The following METTL15 variants were observed in gnomAD, a reference collection of about 807,000 sequenced individuals.
The protein encoded by METTL15 is 12S rRNA N(4)-cytidine methyltransferase METTL15.
Under a neutral mutation model 38.3 loss-of-function variants are expected in METTL15, and 34 were observed. That is an observed-to-expected ratio of 0.89 (90% CI 0.68 to 1.18). METTL15 has a LOEUF of 1.18. METTL15 is among the 50% of genes most tolerant of loss of function. METTL15 has a pLI of 0.00. For synonymous variants in METTL15, 162 were observed against 170.9 expected, an observed-to-expected ratio of 0.95 and a Z score of 0.41; for missense variants, 438 against 498.4, an observed-to-expected ratio of 0.88 and a Z score of 1.15.
At chr11:28,467,240 GA>G (rs1330549034) in intron 6 of METTL15, among the ~76,000 whole-genome samples, 1 of 152,182 alleles carries the variant, frequency 6.6e-6, no homozygotes, top group East Asian at 1.9e-4. Flanking sequence ...GGCAGGGGTA[GA>G]GGGGTGGAGG....
chr11:28,456,164 C>G (rs1851166811), intron 6 of METTL15, among the ~76,000 whole-genome samples: 1 of 151,904 alleles, frequency 6.6e-6, no homozygotes, highest in Non-Finnish European at 1.5e-5. Flanking sequence ...TGCCACCATG[C>G]CTGGCTAATT....
intron 4 of METTL15, among the ~76,000 whole-genome samples, chr11:28,231,647 A>T (rs1853688908): frequency 6.6e-6 from 1 of 151,840 alleles, no homozygotes; most frequent in South Asian, 2.1e-4. Flanking sequence ...AACTACTTTC[A>T]CATTAGCTCA....
intron 4 of METTL15, among the ~76,000 whole-genome samples, chr11:28,243,947 G>A (rs1309928625): frequency 6.6e-6 from 1 of 152,166 alleles, no homozygotes; most frequent in Non-Finnish European, 1.5e-5. Flanking sequence ...GACACAATGA[G>A]GGATATTTCA....
chr11:28,529,069 C>T (rs1055121962), downstream of METTL15, among the ~76,000 whole-genome samples: 1 of 152,010 alleles, frequency 6.6e-6, no homozygotes, highest in Non-Finnish European at 1.5e-5. Context: ...CTAAAATGTT[C>T]AGGAAGGATG....
intron 4 of METTL15, among the ~76,000 whole-genome samples, chr11:28,214,606 T>G (rs1283448361): frequency 6.6e-6 from 1 of 152,176 alleles, no homozygotes; most frequent in East Asian, 1.9e-4. Context: ...ACTACTTAAA[T>G]GTAAAATATT....
intron 3 of METTL15, among the ~76,000 whole-genome samples, chr11:28,117,838 C>T (rs560163410): frequency 6.6e-6 from 1 of 152,236 alleles, no homozygotes; most frequent in East Asian, 1.9e-4. Flanking sequence ...TTCATTTTGT[C>T]CATAATCCAT....
intron 4 of METTL15, among the ~76,000 whole-genome samples, chr11:28,249,803 G>T: frequency 6.6e-6 from 1 of 151,834 alleles, no homozygotes; most frequent in Non-Finnish European, 1.5e-5. Context: ...TGGAGGTTTG[G>T]CGTATAGATT....
exon 7 of METTL15, chr11:28,526,481 G>C (rs1271325941): frequency 1.3e-5 from 2 of 152,218 alleles, no homozygotes; most frequent in Admixed American, 1.3e-4. Flanking sequence ...TTAGCAGTTT[G>C]AATATGTCAT....
chr11:28,178,623 A>G (rs1851165398), intron 3 of METTL15, among the ~76,000 whole-genome samples: 1 of 151,744 alleles, frequency 6.6e-6, no homozygotes, highest in African/African-American at 2.4e-5. Context: ...TTACATTTTA[A>G]TGTGCTTTCC....
intron 5 of METTL15, among the ~76,000 whole-genome samples, chr11:28,401,143 A>G (rs755621665): frequency 1.3e-5 from 2 of 152,106 alleles, no homozygotes; most frequent in Non-Finnish European, 2.9e-5. Context: ...TCAAAAATCT[A>G]CTGATTTCAG....
At chr11:28,125,947 A>G (rs1852463611) in intron 3 of METTL15, 2 of 152,048 alleles carry the variant, frequency 1.3e-5, no homozygotes, top group Admixed American at 1.3e-4. Context: ...TATTTCTCCA[A>G]ATCCACACAT....
chr11:28,457,714 G>T (rs945611092), intron 6 of METTL15, among the ~76,000 whole-genome samples: 1 of 152,178 alleles, frequency 6.6e-6, no homozygotes, highest in East Asian at 1.9e-4. Context: ...AGGGTACTCT[G>T]CCCTTCTTAG....
intron 6 of METTL15, among the ~76,000 whole-genome samples, chr11:28,512,115 A>G (rs1851679672): frequency 6.6e-6 from 1 of 152,086 alleles, no homozygotes; most frequent in Non-Finnish European, 1.5e-5. Context: ...CCACCTCCCC[A>G]CTAGATTATC....
At position 28,117,299 on chromosome 11, in the gene METTL15, A is replaced by G. The variant is rs181926717; in HGVS notation, c.270+3695A>G. Reference sequence around the variant, plus strand: ...TATATATATATATATATATATATATATGAAAGGATAGGGGCAGTTAGTAAA... The same window carrying G: ...TATATATATATATATATATATATATGTGAAAGGATAGGGGCAGTTAGTAAA... On this transcript the variant is annotated intron_variant, in intron 3 of 6. Coordinates refer to ENST00000407364, the MANE Select transcript of METTL15 (RefSeq NM_001113528.2). Among the ~76,000 whole-genome samples, 621 of 137,852 alleles carry G rather than the reference A, an allele frequency of 4.5e-3. 12 individuals carry two copies. Among genetic ancestry groups the G allele is most frequent in the African/African-American group, 0.015 (550 of 37,044 alleles). The allele number at this position is 137,852 out of a possible 152,430, so 90.4% of individuals were successfully genotyped here. A position where few individuals can be genotyped will look rare whatever the true frequency, so the allele number is the denominator to read the frequency against.
intron 4 of METTL15, among the ~76,000 whole-genome samples, chr11:28,246,810 C>T (rs1156582513): frequency 6.6e-6 from 1 of 152,096 alleles, no homozygotes. Context: ...ACTGCACTGT[C>T]CAATATAGTA....
chr11:28,323,278 C>T (rs1214155131), intron 6 of METTL15, among the ~76,000 whole-genome samples: 1 of 151,588 alleles, frequency 6.6e-6, no homozygotes, highest in Non-Finnish European at 1.5e-5. Context: ...ACCAACTGTT[C>T]TTGGTGCAAA....
intron 3 of METTL15, among the ~76,000 whole-genome samples, chr11:28,172,652 A>C (rs537448926): frequency 6.6e-5 from 10 of 152,312 alleles, no homozygotes; most frequent in Admixed American, 5.9e-4. Flanking sequence ...TTTTGAGATA[A>C]AGAGACTGAT....
chr11:28,237,366 T>C (rs1854044842), intron 4 of METTL15, among the ~76,000 whole-genome samples: 2 of 152,250 alleles, frequency 1.3e-5, no homozygotes, highest in Admixed American at 6.5e-5. Context: ...CTTCCATCAC[T>C]GATACCCTTT....
At chr11:28,449,340 C>T (rs1253949536) in intron 6 of METTL15, among the ~76,000 whole-genome samples, 1 of 152,138 alleles carries the variant, frequency 6.6e-6, no homozygotes, top group African/African-American at 2.4e-5. Flanking sequence ...AACACAGACA[C>T]TCCTATGTTA....
Sources: gnomAD v4.1 joint callset for allele counts (sites outside exome capture counted in the v4.1 genomes callset) on GRCh38, gnomAD v4.1.1 for gene constraint, MANE v1.5 for transcripts, NCBI Gene and HGNC (gene_info 2026-07-23, HGNC 2026-07-21) for gene names.